The following MRTFA variants were observed in gnomAD, a reference collection of about 807,000 sequenced individuals.
The protein encoded by MRTFA is myocardin related transcription factor A, also known as myocardin-related transcription factor A.
MRTFA carries 20 observed loss-of-function variants against 83.5 expected under a neutral mutation model. The observed-to-expected ratio is 0.24, with a 90% confidence interval of 0.17 to 0.35. The LOEUF (loss-of-function observed/expected upper bound fraction) is 0.35, where lower values mean the gene tolerates loss of function less well. Ranked by LOEUF, MRTFA falls within the 10% of genes least tolerant of loss-of-function variation. The pLI is 1.00. For missense variants in MRTFA, 1,200 were observed against 1,224.7 expected (o/e 0.98, Z 0.30); for synonymous variants, 659 against 541.2 (o/e 1.22, Z -3.02).
chr22:40,587,984 G>C (rs2056057226), intron 2 of MRTFA: 2 of 253,660 alleles, frequency 7.9e-6, no homozygotes, highest in Admixed American at 5.2e-5. Flanking sequence ...TGATAACAGT[G>C]GATCAGCACA....
intron 1 of MRTFA, among the ~76,000 whole-genome samples, chr22:40,617,454 C>G (rs988782160): frequency 3.3e-5 from 5 of 151,490 alleles, no homozygotes; most frequent in Non-Finnish European, 7.4e-5. Context: ...TAGCCAGGCG[C>G]GGTGGCTCAC....
In MRTFA at chr22:40,604,153, CAG is replaced by C. The variant is rs918059228; in HGVS notation, c.-83-9420_-83-9419del. ...CTTTTTTTTTTTTTTCTTTTTGAGA[CAG>C]AGTCTTGCTCTGTCGCCCAGGCTGG... On this transcript the variant is annotated intron_variant, in intron 1 of 14. Transcript: ENST00000355630. Among the ~76,000 whole-genome samples, 4 of 147,206 alleles carry C rather than the reference CAG, an allele frequency of 2.7e-5. No individual in the cohort carries two copies. The Admixed American group carries it at 2.7e-4, about 10-fold the overall frequency.
chr22:40,564,027 G>C (rs953710295), intron 2 of MRTFA, among the ~76,000 whole-genome samples: 2 of 152,174 alleles, frequency 1.3e-5, no homozygotes, highest in Admixed American at 6.6e-5. Flanking sequence ...AATGTACCTG[G>C]CACAGAACAG....
At chr22:40,612,767 G>A (rs2056401648) in intron 1 of MRTFA, among the ~76,000 whole-genome samples, 2 of 152,174 alleles carry the variant, frequency 1.3e-5, no homozygotes, top group African/African-American at 4.8e-5. Flanking sequence ...GGACAACATA[G>A]TAAGGCTCTG....
chr22:40,456,373 T>G (rs2053586951), intron 4 of MRTFA, among the ~76,000 whole-genome samples: 1 of 152,044 alleles, frequency 6.6e-6, no homozygotes, highest in Non-Finnish European at 1.5e-5. Flanking sequence ...CTATTCTGGT[T>G]CGGGGATTGT....
At chr22:40,431,645 G>GA (rs1310717882) in intron 5 of MRTFA, among the ~76,000 whole-genome samples, 165 bp from the exon 6 acceptor site, 1 of 152,064 alleles carries the variant, frequency 6.6e-6, no homozygotes, top group East Asian at 1.9e-4. Context: ...TAGGCCTGGG[G>GA]AGAGCACACC....
chr22:40,459,262 AAGAG>A, intron 4 of MRTFA, among the ~76,000 whole-genome samples: 1 of 131,692 alleles, frequency 7.6e-6, no homozygotes, highest in Non-Finnish European at 1.7e-5. Context: ...AAAAAAAAAA[AAGAG>A]CCTCGTTTTT....
rs2053788298 is a variant in MRTFA, at chr22:40,464,915, A to C, written c.242-1629T>G. ...TCACACTCACACTCCCCTCTTATCA[A>C]TTTTACCCTGCCATGTTTTCCCATG... On this transcript the variant is annotated intron_variant, in intron 3 of 14. Coordinates refer to ENST00000355630, the MANE Select transcript of MRTFA (RefSeq NM_020831.6). Among the ~76,000 whole-genome samples the C allele has an allele frequency of 2.6e-5, 4 of 151,780 alleles. No homozygotes were observed. In the South Asian group the frequency reaches 8.3e-4, roughly 32 times the overall value.
chr22:40,419,713 T>C (rs552897047), intron 11 of MRTFA, among the ~76,000 whole-genome samples: 1 of 152,350 alleles, frequency 6.6e-6, no homozygotes, highest in Admixed American at 6.5e-5. Context: ...AGACTGTATT[T>C]TGCAAAGAGA....
chr22:40,487,842 A>G (rs933884281), intron 3 of MRTFA, among the ~76,000 whole-genome samples: 2 of 152,164 alleles, frequency 1.3e-5, no homozygotes, highest in Non-Finnish European at 2.9e-5. Flanking sequence ...GCTTATGGAT[A>G]TGATACTGCC....
At chr22:40,437,921 C>T (rs1812782551) in intron 4 of MRTFA, among the ~76,000 whole-genome samples, 1 of 152,136 alleles carries the variant, frequency 6.6e-6, no homozygotes, top group Non-Finnish European at 1.5e-5. Context: ...ATACCAGGCA[C>T]ACAGTATACC....
intron 1 of MRTFA, among the ~76,000 whole-genome samples, chr22:40,630,696 T>C (rs1687179663): frequency 6.6e-6 from 1 of 152,208 alleles, no homozygotes; most frequent in African/African-American, 2.4e-5. Context: ...TTCTTATAAT[T>C]AACTTTCTAA....
At chr22:40,418,195 G>A (rs1569249852) in intron 12 of MRTFA, among the ~76,000 whole-genome samples, 179 bp downstream of exon 12, 1 of 152,138 alleles carries the variant, frequency 6.6e-6, no homozygotes, top group East Asian at 1.9e-4. Flanking sequence ...CTACAGCTAG[G>A]GGGTCTGAGG....
In MRTFA at chr22:40,451,207, C is replaced by T. The variant is rs576685771; in HGVS notation, c.307+12014G>A. Among the ~76,000 whole-genome samples the T allele has an allele frequency of 7.9e-5, 12 of 152,176 alleles. No homozygotes were observed. In the South Asian group the frequency reaches 2.5e-3, roughly 32 times the overall value. On this transcript the variant is annotated intron_variant, in intron 4 of 14. Transcript: ENST00000355630. ...TTTGTCTTTCTGTTTTTAGCTGACA[C>T]ACTAAAAATGCCTACAAAAATCCTT...
intron 2 of MRTFA, among the ~76,000 whole-genome samples, chr22:40,593,968 C>T (rs1313637592): frequency 6.6e-6 from 1 of 152,224 alleles, no homozygotes; most frequent in Admixed American, 6.5e-5. Context: ...TTTACCTTGA[C>T]AGGAAATATT....
intron 1 of MRTFA, among the ~76,000 whole-genome samples, chr22:40,607,436 G>A (rs943697566): frequency 2.6e-5 from 4 of 151,612 alleles, no homozygotes; most frequent in East Asian, 1.9e-4. Context: ...CCTGAGAGTC[G>A]GAGCTTGCAG....
intron 3 of MRTFA, among the ~76,000 whole-genome samples, chr22:40,502,304 C>T (rs1320229040): frequency 1.1e-4 from 13 of 119,610 alleles, no homozygotes; most frequent in African/African-American, 3.1e-4. Flanking sequence ...ACTTCTCAGA[C>T]GGGGTGGTTG....
intron 1 of MRTFA, among the ~76,000 whole-genome samples, chr22:40,595,080 CCT>C (rs1695498215): frequency 6.6e-6 from 1 of 150,864 alleles, no homozygotes; most frequent in Non-Finnish European, 1.5e-5. Flanking sequence ...TTGTCCTATA[CCT>C]CTGAAAACTG....
At chr22:40,584,609 G>T (rs1477659376) in intron 2 of MRTFA, among the ~76,000 whole-genome samples, 1 of 151,950 alleles carries the variant, frequency 6.6e-6, no homozygotes, top group Non-Finnish European at 1.5e-5. Context: ...GGTGGCACAT[G>T]CCTGTAATCC....
Sources: allele counts gnomAD v4.1 joint callset (sites outside exome capture counted in the v4.1 genomes callset), GRCh38; gene constraint gnomAD v4.1.1; transcripts MANE v1.5; gene names NCBI Gene and HGNC (gene_info 2026-07-23, HGNC 2026-07-21).